Variants in KALRN observed in about 807,000 individuals in gnomAD.
KALRN encodes kalirin RhoGEF kinase.
A neutral mutation model predicts 353.7 loss-of-function variants in KALRN; 70 were observed. That is an observed-to-expected ratio of 0.20 (90% CI 0.16 to 0.24). The LOEUF (loss-of-function observed/expected upper bound fraction) is 0.24. Among genes scored for constraint, KALRN ranks in the 10% least tolerant of loss-of-function variants. The pLI is 1.00. For missense variants in KALRN, 2,791 were observed against 3,756.7 expected, an observed-to-expected ratio of 0.74 and a Z score of 6.72; for synonymous variants, 1,391 against 1,434.8, an observed-to-expected ratio of 0.97 and a Z score of 0.69.
chr3:124,446,612 A>T, intron 20 of KALRN, 151 bp from the exon 21 acceptor site: 2 of 932,094 alleles, frequency 2.1e-6, no homozygotes, highest in East Asian at 2.5e-5. Flanking sequence ...GCTCATTCAT[A>T]AAAAAAAACT....
chr3:124,478,158 G>C (rs985289903), intron 27 of KALRN, among the ~76,000 whole-genome samples: 3 of 152,164 alleles, frequency 2.0e-5, no homozygotes, highest in Admixed American at 2.0e-4. Flanking sequence ...AGATGAAATT[G>C]GGGAAAAAGA....
intron 1 of KALRN, among the ~76,000 whole-genome samples, chr3:124,034,168 C>G (rs1323645137): frequency 6.6e-6 from 1 of 152,192 alleles, no homozygotes; most frequent in East Asian, 1.9e-4. Flanking sequence ...GTCCCGGCCC[C>G]TCCCTTGGCT....
At chr3:124,174,776 G>T (rs2072424384) in intron 1 of KALRN, among the ~76,000 whole-genome samples, 1 of 152,220 alleles carries the variant, frequency 6.6e-6, no homozygotes, top group Non-Finnish European at 1.5e-5. Flanking sequence ...GAGAAGGAGA[G>T]CTTTCCCAGA....
intron 30 of KALRN, 110 bp from the exon 31 acceptor site, chr3:124,491,213 G>C: frequency 1.5e-6 from 1 of 645,720 alleles, no homozygotes; most frequent in East Asian, 2.9e-5. Flanking sequence ...ATTGACAGAA[G>C]CCCCTCCCTC....
intron 3 of KALRN, among the ~76,000 whole-genome samples, chr3:124,263,258 G>A (rs376102751): frequency 6.6e-6 from 1 of 152,060 alleles, no homozygotes; most frequent in East Asian, 1.9e-4. Flanking sequence ...CTCCCCCATC[G>A]TCCCTCAACA....
At chr3:124,415,836 A>C (rs1452186239) in intron 14 of KALRN, among the ~76,000 whole-genome samples, 1 of 152,210 alleles carries the variant, frequency 6.6e-6, no homozygotes, top group East Asian at 1.9e-4. Flanking sequence ...TTAGGAATGC[A>C]AAATTGCTGG....
chr3:124,620,864 A>G (rs2079188821), intron 34 of KALRN, among the ~76,000 whole-genome samples: 1 of 152,200 alleles, frequency 6.6e-6, no homozygotes, highest in Non-Finnish European at 1.5e-5. Context: ...GACCTTGAGG[A>G]CAGTCAATTG....
At chr3:124,443,782 A>G (rs114463854) in intron 19 of KALRN, among the ~76,000 whole-genome samples, 2,127 of 152,196 alleles carry the variant, frequency 0.014, 20 homozygotes, top group Non-Finnish European at 0.022. Context: ...AAGAGGGGGG[A>G]AAATAATCCT....
intron 23 of KALRN, among the ~76,000 whole-genome samples, chr3:124,459,086 T>C (rs1208170835): frequency 6.6e-6 from 1 of 152,212 alleles, no homozygotes; most frequent in Non-Finnish European, 1.5e-5. Context: ...GATATACCAC[T>C]GGGCCAGAAG....
chr3:124,701,384 CTTTCTTT>C lies in KALRN; in HGVS notation c.7997-650_7997-644del, dbSNP rs1204411433. 4.1e-5 allele frequency among the ~76,000 whole-genome samples: 5 copies of C among 122,560 alleles called. No homozygotes were observed. In the East Asian group the frequency reaches 9.5e-4, roughly 23 times the overall value. 80.4% of individuals were successfully genotyped at this position (122,560 alleles called of 152,430 possible). On this transcript the variant is annotated intron_variant, in intron 56 of 59. Transcript: ENST00000682506. ...GATAATTTTTTCTTTTTCTTTCTTT[CTTTCTTT>C]TTTTTTTTTTTTTGGAGACAGGGTC...
chr3:124,054,458 A>G (rs370100189), intron 1 of KALRN, among the ~76,000 whole-genome samples: 2 of 152,230 alleles, frequency 1.3e-5, no homozygotes, highest in Non-Finnish European at 1.5e-5. Flanking sequence ...CCTGGCTGCT[A>G]TGCAAACTTC....
intron 33 of KALRN, among the ~76,000 whole-genome samples, chr3:124,520,973 G>T (rs1189769517): frequency 6.6e-6 from 1 of 152,180 alleles, no homozygotes; most frequent in Non-Finnish European, 1.5e-5. Flanking sequence ...CCAGGTCACT[G>T]GGCTGATGGC....
chr3:124,101,750 G>C (rs6794106), intron 1 of KALRN, among the ~76,000 whole-genome samples: 134,939 of 152,094 alleles, frequency 0.89, 60,517 homozygotes, highest in East Asian at 0.99. Context: ...GACTTGCTCT[G>C]TCATTGGCTT....
intron 13 of KALRN, among the ~76,000 whole-genome samples, chr3:124,411,410 G>A (rs2092136022): frequency 8.0e-6 from 1 of 124,866 alleles, no homozygotes; most frequent in Non-Finnish European, 1.6e-5. Flanking sequence ...AACTGTAAAA[G>A]CCTATGTATA....
At chr3:124,370,220 C>T (rs756320371) in intron 10 of KALRN, among the ~76,000 whole-genome samples, 61 of 151,892 alleles carry the variant, frequency 4.0e-4, no homozygotes, top group Non-Finnish European at 8.1e-4. Context: ...AATGGATGCC[C>T]TTTAAGATTT....
At chr3:124,548,955 C>T (rs1019264188) in intron 33 of KALRN, among the ~76,000 whole-genome samples, 17 of 152,168 alleles carry the variant, frequency 1.1e-4, no homozygotes, top group African/African-American at 4.1e-4. Flanking sequence ...TGCCTGGTCC[C>T]ATGCATGATA....
chr3:124,667,220 A>G (rs1442548111), intron 47 of KALRN, 37 bp downstream of exon 47: 1 of 1,584,724 alleles, frequency 6.3e-7, no homozygotes. Flanking sequence ...GGGCTGTGTC[A>G]GGGGACTCCA....
chr3:124,664,379 G>GCGCA (rs1484895752), intron 45 of KALRN, among the ~76,000 whole-genome samples: 3 of 150,484 alleles, frequency 2.0e-5, no homozygotes, highest in African/African-American at 4.9e-5. Context: ...GTGCGCGCGC[G>GCGCA]CGCATATAAG....
rs1321364099 is a variant in KALRN at position 124,694,403 on chromosome 3, A to G, written c.7477A>G (p.Lys2493Glu). Residue 2493 changes from lysine (K) to glutamate (E), a missense_variant, in exon 53 of 60, where the codon AAA becomes GAA. Around this residue, in one of 11 missense-constraint regions of KALRN, gnomAD observed 1,065 missense variants for 1,156.4 expected, o/e 0.92. Transcript: ENST00000682506. ...TGGGGACACAGTGATACTGCAGTGC[A>G]AAGTCTGTGGGCGGCCAAAGCCCAC... ...LLGDTVILQC[K>E]VCGRPKPTIT... is the part of the protein sequence containing the mutation. 1 of 1,614,120 alleles carries G rather than the reference A, an allele frequency of 6.2e-7. No individual in the cohort carries two copies. Among genetic ancestry groups the G allele is most frequent in the African/African-American group, 1.3e-5 (1 of 74,948 alleles).
Sources: allele counts gnomAD v4.1 joint callset (sites outside exome capture counted in the v4.1 genomes callset), GRCh38; gene constraint gnomAD v4.1.1; regional missense constraint gnomAD v4.1.1; transcripts MANE v1.5; gene names NCBI Gene and HGNC (gene_info 2026-07-23, HGNC 2026-07-21).